TRAPPC12: variants seen among roughly 807,000 people sequenced by gnomAD.
TRAPPC12 encodes TPR repeat protein 15.
In TRAPPC12, 61 loss-of-function variants were observed where a neutral mutation model predicts 69.2. The ratio of observed to expected loss-of-function variants is 0.88; its 90% CI spans 0.72 to 1.09. The LOEUF (loss-of-function observed/expected upper bound fraction) is 1.09, where lower values mean the gene tolerates loss of function less well. TRAPPC12 is among the 50% of genes least tolerant of loss of function. The pLI is 0.00. For synonymous variants in TRAPPC12, 469 were observed against 438.9 expected, an observed-to-expected ratio of 1.07 and a Z score of -0.86; for missense variants, 1,101 against 1,016.4, an observed-to-expected ratio of 1.08 and a Z score of -1.13.
intron 1 of TRAPPC12, among the ~76,000 whole-genome samples, chr2:3,382,751 C>T (rs1476046591): frequency 1.3e-5 from 2 of 152,040 alleles, no homozygotes; most frequent in Non-Finnish European, 2.9e-5. Flanking sequence ...ATATTGAGTC[C>T]CCATCTCTAC....
intron 3 of TRAPPC12, among the ~76,000 whole-genome samples, chr2:3,409,546 C>T (rs146529294): frequency 1.3e-5 from 2 of 151,954 alleles, no homozygotes; most frequent in East Asian, 3.9e-4. Flanking sequence ...TCTAGGAGTT[C>T]AAGATCAGCC....
At chr2:3,406,977 A>G (rs1031868072) in intron 3 of TRAPPC12, among the ~76,000 whole-genome samples, 3 of 152,234 alleles carry the variant, frequency 2.0e-5, no homozygotes, top group East Asian at 1.9e-4. Flanking sequence ...TAAGGTGAAA[A>G]ATGTATTTAT....
intron 5 of TRAPPC12, among the ~76,000 whole-genome samples, chr2:3,427,787 G>A (rs1339026677): frequency 6.6e-6 from 1 of 152,122 alleles, no homozygotes; most frequent in Non-Finnish European, 1.5e-5. Context: ...CAGCTACTCA[G>A]GAGGCTGAGG....
intron 9 of TRAPPC12, among the ~76,000 whole-genome samples, chr2:3,474,290 G>C (rs1304083483): frequency 1.3e-5 from 2 of 152,234 alleles, no homozygotes; most frequent in African/African-American, 4.8e-5. Flanking sequence ...AAGGAAGCCA[G>C]TCCAAGTCCC....
intron 5 of TRAPPC12, among the ~76,000 whole-genome samples, chr2:3,430,927 G>C (rs76898759): frequency 0.017 from 2,639 of 152,170 alleles, 110 homozygotes; most frequent in East Asian, 0.17. Context: ...ACTGGGTGTG[G>C]AGGAGCTCTG....
intron 7 of TRAPPC12, 29 bp from the exon 8 acceptor site, chr2:3,460,234 T>C: frequency 2.3e-6 from 2 of 873,018 alleles, no homozygotes; most frequent in East Asian, 2.4e-5. Flanking sequence ...AATTTATTTG[T>C]GCACTTACAG....
At chr2:3,417,442 G>A (rs10173635) in intron 3 of TRAPPC12, among the ~76,000 whole-genome samples, 96,704 of 151,942 alleles carry the variant, frequency 0.64, 31,346 homozygotes, top group African/African-American at 0.76. Context: ...AGCTGGATTC[G>A]TTTTCCAAAC....
intron 6 of TRAPPC12, among the ~76,000 whole-genome samples, chr2:3,447,415 A>G (rs2103109142): frequency 6.6e-6 from 1 of 152,324 alleles, no homozygotes; most frequent in South Asian, 2.1e-4. Flanking sequence ...TTTTAATCAT[A>G]GTAGAAAGCA....
At chr2:3,447,272 A>G (rs779278397) in intron 6 of TRAPPC12, among the ~76,000 whole-genome samples, 4 of 151,958 alleles carry the variant, frequency 2.6e-5, no homozygotes, top group Non-Finnish European at 5.9e-5. Flanking sequence ...TAATTTTTCT[A>G]TTTTTAGTAG....
At chr2:3,384,937 C>G (rs1480221723) in intron 1 of TRAPPC12, among the ~76,000 whole-genome samples, 1 of 152,104 alleles carries the variant, frequency 6.6e-6, no homozygotes, top group East Asian at 1.9e-4. Context: ...GGTTATAGAA[C>G]TATCTCGTCA....
chr2:3,409,757 A>T (rs1422932257), intron 3 of TRAPPC12, among the ~76,000 whole-genome samples: 1 of 135,930 alleles, frequency 7.4e-6, no homozygotes, highest in Non-Finnish European at 1.6e-5. Flanking sequence ...CTTTAAAAAA[A>T]AAAAAAAAAA....
intron 6 of TRAPPC12, among the ~76,000 whole-genome samples, chr2:3,450,836 C>T (rs1664813389): frequency 6.6e-6 from 1 of 151,938 alleles, no homozygotes; most frequent in Non-Finnish European, 1.5e-5. Flanking sequence ...ATACTAGATG[C>T]CTTGGGAATA....
chr2:3,393,150 A>G (rs934979727), intron 2 of TRAPPC12, among the ~76,000 whole-genome samples: 3 of 152,184 alleles, frequency 2.0e-5, no homozygotes, highest in Non-Finnish European at 4.4e-5. Flanking sequence ...GAAAATATAC[A>G]CAATGGAATT....
chr2:3,400,691 G>A (rs1661390624), intron 2 of TRAPPC12, among the ~76,000 whole-genome samples: 2 of 152,176 alleles, frequency 1.3e-5, no homozygotes, highest in Non-Finnish European at 2.9e-5. Flanking sequence ...TGCAGCCACC[G>A]AAACAGCACT....
At chr2:3,412,449 T>C (rs1200045407) in intron 3 of TRAPPC12, among the ~76,000 whole-genome samples, 1 of 152,092 alleles carries the variant, frequency 6.6e-6, no homozygotes, top group African/African-American at 2.4e-5. Flanking sequence ...GTAATCCCAG[T>C]ACTCAGGAGG....
chr2:3,420,842 G>A (rs578150505), intron 3 of TRAPPC12, among the ~76,000 whole-genome samples: 1 of 152,338 alleles, frequency 6.6e-6, no homozygotes, highest in African/African-American at 2.4e-5. Flanking sequence ...GAAGAAGTGT[G>A]TGGCAGGCTC....
intron 9 of TRAPPC12, among the ~76,000 whole-genome samples, chr2:3,470,334 A>G (rs977359212): frequency 3.4e-4 from 52 of 152,252 alleles, no homozygotes; most frequent in African/African-American, 1.2e-3. Context: ...ACCCACGCCA[A>G]AAGGCCATTC....
At chr2:3,413,906 A>G (rs779242445) in intron 3 of TRAPPC12, among the ~76,000 whole-genome samples, 2 of 152,154 alleles carry the variant, frequency 1.3e-5, no homozygotes, top group Non-Finnish European at 2.9e-5. Context: ...TTAGCTTACG[A>G]TAGTACCCAT....
chr2:3,421,823 A>G, intron 3 of TRAPPC12, 58 bp from the exon 4 acceptor site: 1 of 1,512,720 alleles, frequency 6.6e-7, no homozygotes, highest in Non-Finnish European at 9.2e-7. Flanking sequence ...CGTTTGGGTC[A>G]TGGATTCCAC....
Sources: allele counts gnomAD v4.1 joint callset (sites outside exome capture counted in the v4.1 genomes callset), GRCh38; gene constraint gnomAD v4.1.1; transcripts MANE v1.5; gene names NCBI Gene and HGNC (gene_info 2026-07-23, HGNC 2026-07-21).